The following ANKS1B variants were observed in gnomAD, a reference collection of about 807,000 sequenced individuals.
ANKS1B encodes ankyrin repeat and sterile alpha motif domain-containing protein 1B.
A neutral mutation model predicts 148.3 loss-of-function variants in ANKS1B; 36 were observed. The ratio of observed to expected loss-of-function variants is 0.24; its 90% CI spans 0.19 to 0.32. The LOEUF (loss-of-function observed/expected upper bound fraction) is 0.32. Among genes scored for constraint, ANKS1B ranks in the 10% least tolerant of loss-of-function variants. The pLI is 1.00. For missense variants in ANKS1B, 1,157 were observed against 1,542.6 expected (o/e 0.75, Z 4.19); for synonymous variants, 542 against 560.8 (o/e 0.97, Z 0.47).
intron 25 of ANKS1B, among the ~76,000 whole-genome samples, chr12:98,766,623 G>A (rs1012935519): frequency 1.3e-5 from 2 of 152,094 alleles, no homozygotes; most frequent in African/African-American, 4.8e-5. Flanking sequence ...GAGATCACCC[G>A]CCTCCATGAT....
At chr12:98,834,408 T>A (rs985854364) in intron 17 of ANKS1B, among the ~76,000 whole-genome samples, 2 of 152,242 alleles carry the variant, frequency 1.3e-5, no homozygotes, top group Non-Finnish European at 2.9e-5. Context: ...ACGTGATTTC[T>A]AGCTAGCCTT....
intron 17 of ANKS1B, among the ~76,000 whole-genome samples, chr12:98,967,178 G>T (rs767641390): frequency 1.3e-5 from 2 of 152,102 alleles, no homozygotes; most frequent in African/African-American, 2.4e-5. Context: ...CTACCTAAAG[G>T]CTCCTTCTGA....
chr12:99,814,182 C>T (rs1465668616), intron 2 of ANKS1B, among the ~76,000 whole-genome samples: 2 of 151,598 alleles, frequency 1.3e-5, no homozygotes, highest in Non-Finnish European at 3.0e-5. Context: ...ATGATGTTCA[C>T]ACAATGATGA....
chr12:99,825,583 G>A (rs1025771575), intron 1 of ANKS1B, among the ~76,000 whole-genome samples, 194 bp from the exon 2 acceptor site: 4 of 152,312 alleles, frequency 2.6e-5, no homozygotes, highest in African/African-American at 4.8e-5. Context: ...GAAACTAATA[G>A]AGAATGCAAC....
chr12:98,993,296 T>C (rs895477627), intron 17 of ANKS1B, among the ~76,000 whole-genome samples: 1 of 152,152 alleles, frequency 6.6e-6, no homozygotes, highest in Non-Finnish European at 1.5e-5. Context: ...GCCTCCTGAG[T>C]AGCTGGTATT....
At chr12:99,304,806 T>G (rs955689289) in intron 12 of ANKS1B, among the ~76,000 whole-genome samples, 1 of 152,110 alleles carries the variant, frequency 6.6e-6, no homozygotes, top group Non-Finnish European at 1.5e-5. Context: ...TTTGTTCATC[T>G]CTGAATTTGG....
At chr12:99,825,753 C>A (rs925956483) in intron 1 of ANKS1B, among the ~76,000 whole-genome samples, 3 of 152,188 alleles carry the variant, frequency 2.0e-5, no homozygotes, top group African/African-American at 7.2e-5. Context: ...ATTTATGAGA[C>A]CTGCCTCATG....
In ANKS1B at chr12:99,833,356, T is replaced by TGA. The variant is rs148203898; in HGVS notation, c.135-7969_135-7968dup. Among the ~76,000 whole-genome samples the TGA allele has an allele frequency of 7.9e-3, 1,200 of 152,072 alleles. 15 individuals carry two copies. Among genetic ancestry groups the TGA allele is most frequent in the African/African-American group, 0.027 (1,134 of 41,476 alleles). ...TGTAACAGGTGGAAGGTAAACAGAGTGAGAGTCAGGTTAATTGTTTTACAG... is the reference window on the plus strand; with the variant it reads ...TGTAACAGGTGGAAGGTAAACAGAGTGAGAGAGTCAGGTTAATTGTTTTACAG... On this transcript the variant is annotated intron_variant, in intron 1 of 26. Coordinates refer to ENST00000683438, the MANE Select transcript of ANKS1B (RefSeq NM_001352186.2).
chr12:99,772,971 A>C lies in ANKS1B; in HGVS notation c.1079T>G (p.Leu360Trp). The change falls in exon 8 of 27, where the codon TTG becomes TGG. Residue 360 changes from leucine (L) to tryptophan (W), a missense_variant. Physicochemically the swap from Leu to Trp is moderately conservative, Grantham distance 61. This residue lies in a region of ANKS1B where 661 missense variants were observed against 642.1 expected (regional missense o/e 1.03). Coordinates refer to ENST00000683438, the MANE Select transcript of ANKS1B (RefSeq NM_001352186.2). ...AAGTTCTTCCTCTGAAATCTTGCTC[A>C]AATTATCTAAGTAGTGGTCTGATAT... ...HTISDHYLDN[L>W]SKISEEELGK... 6.2e-7 allele frequency: 1 copy of C among 1,612,028 alleles called. No individual in the cohort carries two copies.
At chr12:98,735,775 T>A (rs918126638) in intron 9 of ANKS1B, 8 of 506,114 alleles carry the variant, frequency 1.6e-5, no homozygotes, top group African/African-American at 1.3e-4. Context: ...CTTGCTCTAC[T>A]GCAGTTAAGG....
intron 8 of ANKS1B, among the ~76,000 whole-genome samples, chr12:99,685,518 T>C (rs2098644347): frequency 6.6e-6 from 1 of 152,094 alleles, no homozygotes; most frequent in African/African-American, 2.4e-5. Context: ...GAAAACAGTG[T>C]GGAAAGTCCT....
At chr12:99,354,792 A>AAAC (rs1435767532) in intron 12 of ANKS1B, among the ~76,000 whole-genome samples, 49 of 152,044 alleles carry the variant, frequency 3.2e-4, no homozygotes, top group Admixed American at 2.7e-3. Context: ...GGGGAGAAAA[A>AAAC]AACCACCCAG....
chr12:98,764,236 G>GT (rs1445555833), intron 25 of ANKS1B, among the ~76,000 whole-genome samples: 39 of 152,122 alleles, frequency 2.6e-4, no homozygotes, highest in Admixed American at 2.0e-3. Context: ...CTAACTTTTT[G>GT]TTTTTTTCAA....
Position 99,443,805 on chromosome 12 carries a change from A to T in ANKS1B, c.1443T>A (p.Asn481Lys). The T allele has an allele frequency of 6.2e-7, 1 of 1,609,372 alleles. No homozygotes were observed. Residue 481 changes from asparagine (N) to lysine (K), a missense_variant, in exon 11 of 27, where the codon AAT (asparagine) becomes AAA (lysine). Physicochemically the swap from Asn to Lys is moderately conservative, Grantham distance 94. This residue lies in a region of ANKS1B where 661 missense variants were observed against 642.1 expected (regional missense o/e 1.03). Coordinates refer to ENST00000683438, the MANE Select transcript of ANKS1B (RefSeq NM_001352186.2). Reference protein sequence around the residue: ...IARAPSPRTDNASEVAVTTPG... With the variant: ...IARAPSPRTDKASEVAVTTPG... ...GAGTAGTAACTGCTACCTCAGAGGC[A>T]TTATCTGTGAATAAAAATAGAACTG...
At chr12:98,764,638 G>C (rs1477382606) in intron 25 of ANKS1B, among the ~76,000 whole-genome samples, 1 of 152,144 alleles carries the variant, frequency 6.6e-6, no homozygotes, top group African/African-American at 2.4e-5. Flanking sequence ...CTGTTTCCTT[G>C]GTTTAGTCAG....
intron 9 of ANKS1B, among the ~76,000 whole-genome samples, chr12:99,505,027 G>C (rs2096694210): frequency 1.3e-5 from 2 of 152,034 alleles, no homozygotes; most frequent in African/African-American, 4.8e-5. Context: ...TGGCCCATTA[G>C]ATGTAAGATG....
At chr12:99,140,159 G>T (rs2070123792) in intron 15 of ANKS1B, among the ~76,000 whole-genome samples, 1 of 152,156 alleles carries the variant, frequency 6.6e-6, no homozygotes, top group South Asian at 2.1e-4. Context: ...CCTAGGGAAA[G>T]TGCTAAGTGC....
chr12:99,074,356 CT>C (rs1437136979), intron 16 of ANKS1B, among the ~76,000 whole-genome samples: 2 of 151,246 alleles, frequency 1.3e-5, no homozygotes, highest in Non-Finnish European at 2.9e-5. Context: ...CTAAAAAGTT[CT>C]GCCTCTTTAG....
chr12:98,758,567 AC>A (rs566147579), intron 25 of ANKS1B, among the ~76,000 whole-genome samples: 13 of 152,208 alleles, frequency 8.5e-5, no homozygotes, highest in African/African-American at 2.4e-4. Flanking sequence ...GACCATCAAC[AC>A]AGGAATTCTT....
Sources: gnomAD v4.1 joint callset for allele counts (sites outside exome capture counted in the v4.1 genomes callset) on GRCh38, gnomAD v4.1.1 for gene constraint, gnomAD v4.1.1 regional missense constraint, MANE v1.5 for transcripts, NCBI Gene and HGNC (gene_info 2026-07-23, HGNC 2026-07-21) for gene names.